The following SV2B variants were observed in gnomAD, a reference collection of about 807,000 sequenced individuals.
SV2B encodes solute carrier family 22 member B2.
Under a neutral mutation model 73.9 loss-of-function variants are expected in SV2B, and 41 were observed. The observed-to-expected ratio is 0.56, with a 90% CI of 0.43 to 0.72. SV2B has a LOEUF of 0.72. SV2B is among the 30% of genes least tolerant of loss of function. The probability of loss-of-function intolerance (pLI) is 0.00; values close to 1 mark genes in which losing one functional copy is unlikely to be tolerated. For missense variants in SV2B, 764 were observed against 857.8 expected (o/e 0.89, Z 1.37); for synonymous variants, 314 against 314.2 (o/e 1.00, Z 0.01).
Position 91,105,967 on chromosome 15 carries a change from T to C in SV2B, c.-392+5604T>C, listed in dbSNP as rs1214233683. On this transcript the variant is annotated intron_variant, in intron 1 of 12. Coordinates refer to ENST00000394232, the MANE Select transcript of SV2B (RefSeq NM_001323032.3). This position sits in a 1 kb window ranked among gnomAD's most constrained non-coding sequence, Gnocchi z 5.5. ...GGGAGTCTGAGGTGGGAGGATCACC[T>C]GAGCCTGGGGAGGTCGAGGCTGCAG... 6.6e-6 allele frequency among the ~76,000 whole-genome samples: 1 copy of C among 152,178 alleles called. No homozygotes were observed. The highest frequency in any genetic ancestry group is 1.5e-5 in the Non-Finnish European group (1 of 68,034).
At position 91,221,062 on chromosome 15, in the gene SV2B, C is replaced by T. The variant is rs570910759; in HGVS notation, c.-391-4811C>T. 7.1e-4 allele frequency among the ~76,000 whole-genome samples: 108 copies of T among 152,060 alleles called. 4 individuals carry two copies. In the South Asian group the frequency reaches 0.022, roughly 31 times the overall value. On this transcript the variant is annotated intron_variant, in intron 1 of 12. Coordinates refer to ENST00000394232, the MANE Select transcript of SV2B (RefSeq NM_001323032.3). ...GTATTTTTTTGTAGAGACAGGATTT[C>T]ACCATGTTGCTCAGGCTGGTCTCAA...
chr15:91,215,605 G>A (rs1209527701), intron 1 of SV2B, among the ~76,000 whole-genome samples: 1 of 152,076 alleles, frequency 6.6e-6, no homozygotes, highest in Non-Finnish European at 1.5e-5. Flanking sequence ...TAATATTATG[G>A]ATACTATTAG....
Position 91,197,871 on chromosome 15 carries a change from A to T in SV2B, c.-391-28002A>T, listed in dbSNP as rs148086207. On this transcript the variant is annotated intron_variant, in intron 1 of 12. Transcript: ENST00000394232. This position sits in a 1 kb window ranked among gnomAD's most constrained non-coding sequence, Gnocchi z 4.9. Reference sequence around the variant, plus strand: ...CAACATGGTGAAAACCCATCTCTACAAAAAATACAAAAATTAGCCAGGCAT... The same window carrying T: ...CAACATGGTGAAAACCCATCTCTACTAAAAATACAAAAATTAGCCAGGCAT... 3.4e-3 allele frequency among the ~76,000 whole-genome samples: 515 copies of T among 152,082 alleles called. 2 individuals are homozygous for T. Among genetic ancestry groups the T allele is most frequent in the Admixed American group, 5.7e-3 (87 of 15,274 alleles).
Position 91,297,048 on chromosome 15 carries a change from GCGC to G in SV2B, c.*4497_*4499del, listed in dbSNP as rs2049277504. 1 of 151,666 alleles carries G rather than the reference GCGC, an allele frequency of 6.6e-6. No individual in the cohort carries two copies. The highest frequency in any genetic ancestry group is 1.4e-5 in the Non-Finnish European group (1 of 69,066). 9.4% of individuals were successfully genotyped at this position (151,666 alleles called of 1,614,324 possible). A position where few individuals can be genotyped will look rare whatever the true frequency, so the allele number is the denominator to read the frequency against. On this transcript the variant is annotated 3_prime_UTR_variant, in exon 13 of 13. Coordinates refer to ENST00000394232, the MANE Select transcript of SV2B (RefSeq NM_001323032.3). The surrounding 1 kb of genome is among the most constrained non-coding windows in gnomAD (Gnocchi z 5.1). ...CACGCTTCTTCTGCCTGATCGTTGG[GCGC>G]ACGCTCCTTCTGCCTGATCGTTGGG...
At chr15:91,266,740 C>T in intron 7 of SV2B, 48 bp downstream of exon 7, 1 of 1,449,236 alleles carries the variant, frequency 6.9e-7, no homozygotes, top group Non-Finnish European at 9.6e-7. Flanking sequence ...CTATGGGAGT[C>T]TCTTACCTTA....
chr15:91,250,895 A>T (rs1417527000), intron 2 of SV2B, among the ~76,000 whole-genome samples: 1 of 152,230 alleles, frequency 6.6e-6, no homozygotes, highest in East Asian at 1.9e-4. Context: ...AGTAACCTAC[A>T]GATTCAATGC....
Position 91,289,565 on chromosome 15 carries a change from T to C in SV2B, c.1753T>C (p.Phe585Leu). The C allele has an allele frequency of 1.9e-6, 3 of 1,614,220 alleles. No individual in the cohort carries two copies. The highest frequency in any genetic ancestry group is 2.5e-6 in the Non-Finnish European group (3 of 1,180,038). The change falls in exon 12 of 13, where the codon TTT becomes CTT. Residue 585 changes from phenylalanine (F) to leucine (L), a missense_variant. By Grantham distance (22) the Phe-to-Leu change is conservative (BLOSUM62 0). Coordinates refer to ENST00000394232, the MANE Select transcript of SV2B (RefSeq NM_001323032.3). This position sits in a 1 kb window ranked among gnomAD's most constrained non-coding sequence, Gnocchi z 4.9. Reference sequence around the variant, plus strand: ...TGCAGTCTGCTGCTTCTTCCTGTTTTTTGGCAACAGTGAGTCTGCAATGAT... The same window carrying C: ...TGCAGTCTGCTGCTTCTTCCTGTTTCTTGGCAACAGTGAGTCTGCAATGAT... ...ISAVCCFFLF[F>L]GNSESAMIGW... is the part of the protein sequence containing the mutation.
Position 91,140,643 on chromosome 15 carries a change from ACAGT to A in SV2B, c.-392+40285_-392+40288del, listed in dbSNP as rs1204985628. 1.3e-5 allele frequency among the ~76,000 whole-genome samples: 2 copies of A among 152,098 alleles called. No individual in the cohort carries two copies. Among genetic ancestry groups the A allele is most frequent in the African/African-American group, 4.8e-5 (2 of 41,416 alleles). On this transcript the variant is annotated intron_variant, in intron 1 of 12. Transcript: ENST00000394232. The surrounding 1 kb of genome is among the most constrained non-coding windows in gnomAD (Gnocchi z 4.4). The stretch of plus-strand genomic sequence containing the variant: ...TCCAACAGAGTGGAGAACATGTCTG[ACAGT>A]CAGTTTTTCTTTCCACACTAGGCTT...
At chr15:91,202,728 A>G (rs1355152655) in intron 1 of SV2B, among the ~76,000 whole-genome samples, 1 of 152,174 alleles carries the variant, frequency 6.6e-6, no homozygotes, top group South Asian at 2.1e-4. Flanking sequence ...GGCCAGAGAG[A>G]GAAGTGGGGC....
intron 1 of SV2B, among the ~76,000 whole-genome samples, chr15:91,109,382 C>A (rs575355958): frequency 1.3e-5 from 2 of 152,214 alleles, no homozygotes; most frequent in Non-Finnish European, 2.9e-5. Context: ...CTTATGTCAA[C>A]CCCAGGTGAT....
intron 1 of SV2B, among the ~76,000 whole-genome samples, chr15:91,152,090 A>G (rs756844008): frequency 8.0e-5 from 10 of 125,696 alleles, no homozygotes; most frequent in Non-Finnish European, 1.4e-4. Flanking sequence ...TTTTTTTGCC[A>G]AAGAGTGAGC....
intron 1 of SV2B, among the ~76,000 whole-genome samples, chr15:91,109,964 A>G (rs1381428884): frequency 6.6e-6 from 1 of 152,156 alleles, no homozygotes; most frequent in Non-Finnish European, 1.5e-5. Flanking sequence ...TTCCCAAGCA[A>G]TCCTCCAGGC....
rs770360729 is a variant in SV2B at position 91,251,893 on chromosome 15, C to T, written c.526C>T (p.Arg176Ter). 6.2e-7 allele frequency: 1 copy of T among 1,614,164 alleles called. No individual in the cohort carries two copies. Residue 176 changes from arginine (R) to a stop codon, truncating the protein, a stop_gained, in exon 3 of 13, where the codon CGA (arginine) becomes TGA (stop). Coordinates refer to ENST00000394232, the MANE Select transcript of SV2B (RefSeq NM_001323032.3). LOFTEE classifies it high-confidence loss of function. ...CCTGGCTGATAAGCTGGGAAGGAAG[C>T]GAGTCCTCAGCATGTCTCTGGCCGT... The part of the protein sequence containing the change: ...GGLADKLGRK[R>*]VLSMSLAVNA...
rs1284561224 is a variant in SV2B at position 91,258,632 on chromosome 15, C to A, written c.918+78C>A. 1.3e-6 allele frequency: 2 copies of A among 1,593,178 alleles called. No homozygotes were observed. Among genetic ancestry groups the A allele is most frequent in the Non-Finnish European group, 1.7e-6 (2 of 1,168,846 alleles). On this transcript the variant is annotated intron_variant, in intron 5 of 12. Coordinates refer to ENST00000394232, the MANE Select transcript of SV2B (RefSeq NM_001323032.3). This position sits in a 1 kb window ranked among gnomAD's most constrained non-coding sequence, Gnocchi z 4.7. ...CCAGCCTCGCTTCCTTCTCTCAGCTCCTAGTCCCACATCCTCTGCTGCTTA... is the reference window on the plus strand; with the variant it reads ...CCAGCCTCGCTTCCTTCTCTCAGCTACTAGTCCCACATCCTCTGCTGCTTA...
rs1173897418 is a variant in SV2B at position 91,289,976 on chromosome 15, T to G, written c.1868+296T>G. ...TGGTAAAACCATATGTGTCATGTAA[T>G]CCACAAGAGAGAACAGACCTTCAAG... On this transcript the variant is annotated intron_variant, in intron 12 of 12. Coordinates refer to ENST00000394232, the MANE Select transcript of SV2B (RefSeq NM_001323032.3). This position sits in a 1 kb window ranked among gnomAD's most constrained non-coding sequence, Gnocchi z 4.9. Among the ~76,000 whole-genome samples, 3 of 152,002 alleles carry G rather than the reference T, an allele frequency of 2.0e-5. No homozygotes were observed. Among genetic ancestry groups the G allele is most frequent in the Non-Finnish European group, 4.4e-5 (3 of 68,000 alleles).
At chr15:91,259,888 T>A (rs1251015851) in intron 5 of SV2B, among the ~76,000 whole-genome samples, 1 of 152,186 alleles carries the variant, frequency 6.6e-6, no homozygotes, top group Non-Finnish European at 1.5e-5. Flanking sequence ...ACGACCCTAT[T>A]TCCGAATAAA....
chr15:91,142,391 G>T (rs1047052590), intron 1 of SV2B, among the ~76,000 whole-genome samples: 1 of 152,138 alleles, frequency 6.6e-6, no homozygotes, highest in Non-Finnish European at 1.5e-5. Flanking sequence ...GAAAAAAGTT[G>T]CAATGCTTGC....
rs1398257031 is a variant in SV2B at position 91,127,290 on chromosome 15, G to T, written c.-392+26927G>T. Among the ~76,000 whole-genome samples the T allele has an allele frequency of 2.0e-5, 3 of 152,172 alleles. No individual in the cohort carries two copies. The East Asian group carries it at 5.8e-4, about 29-fold the overall frequency. On this transcript the variant is annotated intron_variant, in intron 1 of 12. Transcript: ENST00000394232. ...GAGAAGGGTGTGGACAAGACAAGGT[G>T]GGGAGAGTGGGAGGCACATTTAAGC...
Position 91,298,110 on chromosome 15 carries a change from T to C in SV2B, c.*5558T>C, listed in dbSNP as rs2049315520. 1 of 152,212 alleles carries C rather than the reference T, an allele frequency of 6.6e-6. No homozygotes were observed. Among genetic ancestry groups the C allele is most frequent in the South Asian group, 2.1e-4 (1 of 4,820 alleles). The allele number at this position is 152,212 out of a possible 1,614,324, so 9.4% of individuals were successfully genotyped here. ...GACCTGCAGACAGTCCACCTGAACG[T>C]GCCTGGAAATGTCTCCCGAAAAGGA... On this transcript the variant is annotated 3_prime_UTR_variant, in exon 13 of 13. Coordinates refer to ENST00000394232, the MANE Select transcript of SV2B (RefSeq NM_001323032.3). This position sits in a 1 kb window ranked among gnomAD's most constrained non-coding sequence, Gnocchi z 5.4.
Sources: allele counts gnomAD v4.1 joint callset (sites outside exome capture counted in the v4.1 genomes callset), GRCh38; gene constraint gnomAD v4.1.1; non-coding constraint Gnocchi (gnomAD v3.1); transcripts MANE v1.5; gene names NCBI Gene and HGNC (gene_info 2026-07-23, HGNC 2026-07-21).